Variants in THSD7B observed in about 807,000 individuals in gnomAD.
The protein encoded by THSD7B is thrombospondin type 1 domain containing 7B.
In THSD7B, 138 loss-of-function variants were observed where a neutral mutation model predicts 213.6. The observed-to-expected ratio is 0.65, with a 90% CI of 0.56 to 0.74. THSD7B has a LOEUF of 0.74. Ranked by LOEUF, THSD7B falls within the 30% of genes least tolerant of loss-of-function variation. The pLI, the probability that THSD7B is intolerant of heterozygous loss-of-function variation, is 0.00. For missense variants in THSD7B, 1,931 were observed against 1,991.5 expected, an observed-to-expected ratio of 0.97 and a Z score of 0.58; for synonymous variants, 742 against 687.0, an observed-to-expected ratio of 1.08 and a Z score of -1.25.
At chr2:137,395,817 A>G (rs1686168040) in intron 12 of THSD7B, among the ~76,000 whole-genome samples, 1 of 150,206 alleles carries the variant, frequency 6.7e-6, no homozygotes, top group Admixed American at 6.6e-5. Context: ...TTGGTAAACT[A>G]TTGATTATTG....
intron 2 of THSD7B, chr2:136,990,765 C>A: frequency 1.9e-6 from 1 of 537,244 alleles, no homozygotes; most frequent in South Asian, 1.8e-5. Flanking sequence ...TCTCTAATAC[C>A]TTGTTTGAGA....
chr2:137,041,023 A>G (rs963916794), intron 2 of THSD7B, among the ~76,000 whole-genome samples: 5 of 152,218 alleles, frequency 3.3e-5, no homozygotes, highest in Non-Finnish European at 5.9e-5. Flanking sequence ...TTTATGGTCA[A>G]TATTAAATTT....
chr2:136,991,396 T>C (rs1406807343), intron 2 of THSD7B, among the ~76,000 whole-genome samples: 1 of 152,150 alleles, frequency 6.6e-6, no homozygotes, highest in Non-Finnish European at 1.5e-5. Flanking sequence ...CCATGTTCTA[T>C]AGAAAGGTAT....
At chr2:137,589,171 T>C (rs1053451956) in intron 17 of THSD7B, among the ~76,000 whole-genome samples, 3 of 152,242 alleles carry the variant, frequency 2.0e-5, no homozygotes, top group African/African-American at 7.2e-5. Flanking sequence ...TTTCACTTTT[T>C]TGGCTATTTA....
intron 12 of THSD7B, among the ~76,000 whole-genome samples, chr2:137,340,288 TG>T (rs1213776608): frequency 6.6e-6 from 1 of 151,834 alleles, no homozygotes; most frequent in Non-Finnish European, 1.5e-5. Context: ...GTATAAAGGA[TG>T]TAAAGGTTTT....
chr2:137,428,004 T>C (rs1164083286), intron 14 of THSD7B, among the ~76,000 whole-genome samples: 2 of 152,128 alleles, frequency 1.3e-5, no homozygotes, highest in East Asian at 3.8e-4. Flanking sequence ...AAAAAAATAA[T>C]GTATAAGGAC....
chr2:137,236,713 T>G (rs1433111508), intron 9 of THSD7B, among the ~76,000 whole-genome samples: 1 of 152,208 alleles, frequency 6.6e-6, no homozygotes, highest in Non-Finnish European at 1.5e-5. Context: ...CTGAGTGAGA[T>G]GAATACATCA....
At chr2:136,898,594 G>C (rs1372330099) in intron 2 of THSD7B, among the ~76,000 whole-genome samples, 1 of 59,436 alleles carries the variant, frequency 1.7e-5, no homozygotes, top group Non-Finnish European at 4.5e-5. Flanking sequence ...CCCGCCAAAA[G>C]AGCTCACAGT....
chr2:137,335,172 T>G lies in THSD7B; in HGVS notation c.2500+59146T>G, dbSNP rs113153865. On this transcript the variant is annotated intron_variant, in intron 12 of 27. Transcript: ENST00000409968. The stretch of plus-strand genomic sequence containing the variant: ...TCTATGGGAAAATGTAGTAGCTATT[T>G]GGAAATTCAAGTTAATGATTGCATA... Among the ~76,000 whole-genome samples the G allele has an allele frequency of 8.6e-3, 1,311 of 152,342 alleles. 26 individuals carry two copies. The highest frequency in any genetic ancestry group is 0.03 in the African/African-American group (1,231 of 41,574).
intron 2 of THSD7B, among the ~76,000 whole-genome samples, chr2:137,010,620 A>T (rs1245875681): frequency 6.6e-6 from 1 of 152,194 alleles, no homozygotes; most frequent in Middle Eastern, 3.2e-3. Flanking sequence ...TAGTGCCAAC[A>T]CATGTTATTT....
At chr2:137,007,442 A>T (rs1686138470) in intron 2 of THSD7B, among the ~76,000 whole-genome samples, 1 of 152,188 alleles carries the variant, frequency 6.6e-6, no homozygotes, top group East Asian at 1.9e-4. Context: ...CATCTAATGG[A>T]GAAATAAAGG....
chr2:136,850,198 T>C (rs1471903106), intron 1 of THSD7B, among the ~76,000 whole-genome samples: 1 of 152,072 alleles, frequency 6.6e-6, no homozygotes, highest in Non-Finnish European at 1.5e-5. Flanking sequence ...TCTATGTCAA[T>C]AAATACAATG....
Position 137,243,794 on chromosome 2 carries a change from CA to C in THSD7B, c.2266+1225del, listed in dbSNP as rs150516156. On this transcript the variant is annotated intron_variant, in intron 10 of 27. Coordinates refer to ENST00000409968, the MANE Select transcript of THSD7B (RefSeq NM_001316349.2). ...GTATTGCAATGGTGGAGTACCAGCA[CA>C]AAGTTTTATAACTATGGCATTTCAT... Among the ~76,000 whole-genome samples the C allele has an allele frequency of 2.5e-3, 386 of 152,294 alleles. 3 individuals carry two copies. Among genetic ancestry groups the C allele is most frequent in the African/African-American group, 9.0e-3 (375 of 41,558 alleles).
chr2:137,637,772 G>A (rs186779353), intron 20 of THSD7B, among the ~76,000 whole-genome samples: 3 of 152,216 alleles, frequency 2.0e-5, no homozygotes, highest in Admixed American at 2.0e-4. Flanking sequence ...CCCTCAGCAT[G>A]CCATCAATTC....
At chr2:137,204,233 G>A (rs1680936774) in intron 7 of THSD7B, among the ~76,000 whole-genome samples, 1 of 151,976 alleles carries the variant, frequency 6.6e-6, no homozygotes, top group Non-Finnish European at 1.5e-5. Flanking sequence ...AATAAGGATT[G>A]CTTTAACATT....
chr2:136,769,933 T>C (rs1304900061), intron 1 of THSD7B, among the ~76,000 whole-genome samples: 1 of 152,244 alleles, frequency 6.6e-6, no homozygotes, highest in Non-Finnish European at 1.5e-5. Context: ...ATTTTAATTA[T>C]GAGCCTCTTG....
chr2:137,307,388 G>T (rs1015996009), intron 12 of THSD7B, among the ~76,000 whole-genome samples: 1 of 152,006 alleles, frequency 6.6e-6, no homozygotes, highest in Non-Finnish European at 1.5e-5. Context: ...CATGGGAAAA[G>T]AACAAAAGAG....
At chr2:136,902,572 G>T (rs191779888) in intron 2 of THSD7B, among the ~76,000 whole-genome samples, 1 of 152,152 alleles carries the variant, frequency 6.6e-6, no homozygotes, top group Non-Finnish European at 1.5e-5. Context: ...TTCCACATGC[G>T]CCGAGGATAG....
chr2:136,946,520 G>A, intron 2 of THSD7B, among the ~76,000 whole-genome samples: 1 of 145,290 alleles, frequency 6.9e-6, no homozygotes, highest in South Asian at 2.2e-4. Flanking sequence ...CTTCAGAGCT[G>A]TCAGACAGTG....
Sources: allele counts gnomAD v4.1 joint callset (sites outside exome capture counted in the v4.1 genomes callset), GRCh38; gene constraint gnomAD v4.1.1; transcripts MANE v1.5; gene names NCBI Gene and HGNC (gene_info 2026-07-23, HGNC 2026-07-21).